The following RPSA2 variants were observed in gnomAD, a reference collection of about 807,000 sequenced individuals.
The protein encoded by RPSA2 is small ribosomal subunit protein uS2B.
chr19:23,758,814 C>G, the RPSA2 span: 4 of 1,611,094 alleles, frequency 2.5e-6, no homozygotes, highest in South Asian at 4.4e-5. Context: ...GTCAGAGGGC[C>G]ATAGAGGCTG....
chr19:23,810,576 T>G, the RPSA2 span, among the ~76,000 whole-genome samples: 1 of 151,958 alleles, frequency 6.6e-6, no homozygotes. Context: ...GTGATGAGAG[T>G]GGCTTTCACT....
chr19:23,804,489 G>C, the RPSA2 span, among the ~76,000 whole-genome samples: 1 of 151,918 alleles, frequency 6.6e-6, no homozygotes, highest in South Asian at 2.1e-4. Flanking sequence ...TAGAGATGGG[G>C]TTTCACCGTG....
At chr19:23,862,456 A>T in the RPSA2 span, among the ~76,000 whole-genome samples, 14 of 150,548 alleles carry the variant, frequency 9.3e-5, no homozygotes, top group East Asian at 2.0e-4. Context: ...GTCTTGTGCC[A>T]GTTTTCAAAG....
chr19:23,835,932 C>T, the RPSA2 span, among the ~76,000 whole-genome samples: 84 of 152,200 alleles, frequency 5.5e-4, no homozygotes, highest in South Asian at 1.0e-2. Context: ...CTGCACCCAG[C>T]CTGTGTAATA....
chr19:23,787,258 C>T, the RPSA2 span, among the ~76,000 whole-genome samples: 8 of 152,186 alleles, frequency 5.3e-5, no homozygotes, highest in South Asian at 1.7e-3. Flanking sequence ...GGGTGTGACA[C>T]TCAGGGGATG....
the RPSA2 span, among the ~76,000 whole-genome samples, chr19:23,817,001 A>C: frequency 1.6e-5 from 2 of 124,102 alleles, no homozygotes; most frequent in Non-Finnish European, 3.3e-5. Flanking sequence ...TACATTAAAT[A>C]TCTTAAAATT....
At chr19:23,770,242 G>A in the RPSA2 span, among the ~76,000 whole-genome samples, 10 of 152,098 alleles carry the variant, frequency 6.6e-5, no homozygotes, top group Non-Finnish European at 1.5e-5. Flanking sequence ...AGTTCTCTAT[G>A]GATTGGGCTT....
chr19:23,814,740 T>C, the RPSA2 span, among the ~76,000 whole-genome samples: 427 of 152,320 alleles, frequency 2.8e-3, 1 homozygote, highest in Middle Eastern at 6.8e-3. Flanking sequence ...TATTTTCTTA[T>C]ATTTTTGGAT....
the RPSA2 span, among the ~76,000 whole-genome samples, chr19:23,816,522 A>G: frequency 1.3e-5 from 2 of 152,164 alleles, no homozygotes; most frequent in East Asian, 3.9e-4. Context: ...GTTTTTTCTT[A>G]TTCACTGTTT....
chr19:23,814,880 CTG>C, the RPSA2 span, among the ~76,000 whole-genome samples: 1 of 152,130 alleles, frequency 6.6e-6, no homozygotes, highest in Non-Finnish European at 1.5e-5. Flanking sequence ...GGATCTTACT[CTG>C]TCAACCAGGC....
chr19:23,836,666 A>G, the RPSA2 span, among the ~76,000 whole-genome samples: 5 of 152,202 alleles, frequency 3.3e-5, no homozygotes, highest in African/African-American at 9.7e-5. Context: ...TGCTGCATCC[A>G]TGCCAACATC....
chr19:23,853,336 T>G, the RPSA2 span, among the ~76,000 whole-genome samples: 1 of 151,322 alleles, frequency 6.6e-6, no homozygotes, highest in East Asian at 2.0e-4. Flanking sequence ...CTTAAATCAG[T>G]TACCATCCGC....
chr19:23,834,644 G>C, the RPSA2 span, among the ~76,000 whole-genome samples: 1 of 151,852 alleles, frequency 6.6e-6, no homozygotes, highest in East Asian at 1.9e-4. Context: ...ATACTATACA[G>C]CATATTTTTA....
chr19:23,811,391 C>T, the RPSA2 span, among the ~76,000 whole-genome samples: 1 of 152,056 alleles, frequency 6.6e-6, no homozygotes, highest in Admixed American at 6.6e-5. Context: ...GTAAGCAATT[C>T]TTTAATGTAT....
chr19:23,785,981 A>C, the RPSA2 span, among the ~76,000 whole-genome samples: 1 of 152,202 alleles, frequency 6.6e-6, no homozygotes, highest in East Asian at 1.9e-4. Flanking sequence ...TCTCATGTGC[A>C]CACCCCACCA....
At chr19:23,763,951 A>G in the RPSA2 span, among the ~76,000 whole-genome samples, 1 of 152,164 alleles carries the variant, frequency 6.6e-6, no homozygotes, top group Non-Finnish European at 1.5e-5. Flanking sequence ...TTAGTTATGT[A>G]GTCACCTTAT....
At chr19:23,836,971 A>C in the RPSA2 span, among the ~76,000 whole-genome samples, 1 of 152,092 alleles carries the variant, frequency 6.6e-6, no homozygotes, top group African/African-American at 2.4e-5. Flanking sequence ...TGCCATGCCA[A>C]AGCTTTTTAG....
the RPSA2 span, among the ~76,000 whole-genome samples, chr19:23,844,701 T>TAA: frequency 1.9e-4 from 3 of 15,520 alleles, no homozygotes; most frequent in African/African-American, 2.5e-4. Context: ...GTCCATTTTT[T>TAA]TATAATATAA....
the RPSA2 span, among the ~76,000 whole-genome samples, chr19:23,847,334 C>T: frequency 6.6e-6 from 1 of 151,992 alleles, no homozygotes; most frequent in Non-Finnish European, 1.5e-5. Context: ...GGGAAACCCA[C>T]CCCCAATATT....
Sources: gnomAD v4.1 joint callset for allele counts (sites outside exome capture counted in the v4.1 genomes callset) on GRCh38, gnomAD v4.1.1 for gene constraint, MANE v1.5 for transcripts, NCBI Gene and HGNC (gene_info 2026-07-23, HGNC 2026-07-21) for gene names.